MALRD1: variants seen among roughly 807,000 people sequenced by gnomAD.
MALRD1 encodes MAM and LDL receptor class A domain containing 1.
Under a neutral mutation model 242.1 loss-of-function variants are expected in MALRD1, and 247 were observed. The observed-to-expected ratio is 1.02, with a 90% CI of 0.92 to 1.13. MALRD1 has a LOEUF of 1.13. Ranked by LOEUF, MALRD1 falls within the 50% of genes most tolerant of loss-of-function variation. The pLI is 0.00. For missense variants in MALRD1, 2,989 were observed against 2,533.1 expected (o/e 1.18, Z -3.86); for synonymous variants, 995 against 866.6 (o/e 1.15, Z -2.60).
intron 1 of MALRD1, among the ~76,000 whole-genome samples, chr10:19,053,895 T>A (rs191915521): frequency 3.5e-4 from 54 of 152,214 alleles, no homozygotes; most frequent in Non-Finnish European, 4.6e-4. Flanking sequence ...TACTCAGTAT[T>A]GTTTTAAGAA....
At chr10:19,056,349 G>T (rs2131212577) in intron 1 of MALRD1, among the ~76,000 whole-genome samples, 1 of 150,556 alleles carries the variant, frequency 6.6e-6, no homozygotes, top group East Asian at 2.0e-4. Flanking sequence ...ATGTAATTGT[G>T]TTTCCTTAAG....
chr10:19,371,869 G>A (rs73593889), intron 26 of MALRD1, among the ~76,000 whole-genome samples: 8,398 of 152,182 alleles, frequency 0.055, 474 homozygotes, highest in African/African-American at 0.14. Flanking sequence ...TACTACCTGG[G>A]TCATAGTTGG....
At chr10:19,421,614 A>G (rs1833722169) in intron 28 of MALRD1, among the ~76,000 whole-genome samples, 1 of 152,210 alleles carries the variant, frequency 6.6e-6, no homozygotes, top group Non-Finnish European at 1.5e-5. Context: ...ATTTTGCTAA[A>G]TGCATCAATA....
chr10:19,567,096 T>C (rs1040037887), intron 32 of MALRD1, among the ~76,000 whole-genome samples: 1 of 152,232 alleles, frequency 6.6e-6, no homozygotes, highest in Non-Finnish European at 1.5e-5. Context: ...AAATGACTTC[T>C]ATAATCTCAT....
At chr10:19,404,766 G>A (rs16918639) in intron 28 of MALRD1, among the ~76,000 whole-genome samples, 20,264 of 152,062 alleles carry the variant, frequency 0.13, 1,460 homozygotes, top group East Asian at 0.24. Flanking sequence ...TTAAAAAATA[G>A]CACTCCAGAA....
intron 36 of MALRD1, among the ~76,000 whole-genome samples, chr10:19,625,455 C>T (rs1839610968): frequency 6.6e-6 from 1 of 151,958 alleles, no homozygotes; most frequent in Non-Finnish European, 1.5e-5. Context: ...TGTAGAATAT[C>T]CTCTCTAGAA....
At position 19,146,236 on chromosome 10, in the gene MALRD1, G is replaced by C; in HGVS notation, c.1450G>C (p.Gly484Arg). ...CTGTGACTTTGAGTCGGGTTTCTGC[G>C]GTTGGGAGCCATTTCTCACAGAAGA... ...LTCDFESGFCGWEPFLTEDSH... is the reference protein window; with the variant it reads ...LTCDFESGFCRWEPFLTEDSH... Residue 484 changes from glycine to arginine, a missense_variant, in exon 11 of 40, where the codon GGT becomes CGT. Transcript: ENST00000454679. 4.1e-6 allele frequency: 5 copies of C among 1,231,614 alleles called. No homozygotes were observed. Among genetic ancestry groups the C allele is most frequent in the Non-Finnish European group, 3.0e-6 (3 of 987,940 alleles). 76.3% of individuals were successfully genotyped at this position (1,231,614 alleles called of 1,614,324 possible).
chr10:19,109,126 C>T (rs1385692464), intron 5 of MALRD1, among the ~76,000 whole-genome samples: 3 of 152,170 alleles, frequency 2.0e-5, no homozygotes, highest in African/African-American at 7.2e-5. Flanking sequence ...CTGTAGTCAA[C>T]ATCAGTAATA....
intron 24 of MALRD1, among the ~76,000 whole-genome samples, chr10:19,344,987 C>A (rs1465417539): frequency 1.3e-5 from 2 of 152,080 alleles, no homozygotes; most frequent in African/African-American, 4.8e-5. Flanking sequence ...ATTAATTGCA[C>A]CACAAATGCC....
At chr10:19,426,403 C>T (rs1450947774) in intron 28 of MALRD1, among the ~76,000 whole-genome samples, 1 of 152,180 alleles carries the variant, frequency 6.6e-6, no homozygotes, top group Non-Finnish European at 1.5e-5. Flanking sequence ...AAAATACCTG[C>T]AGAAAGCATG....
In MALRD1 at chr10:19,498,509, G is replaced by A; in HGVS notation, c.5183G>A (p.Ser1728Asn). ...GCACATTATACAAGCACAACAGGAA[G>A]CTGCAATTTTGAAACAAGTTCAGGA... ...HCAHYTSTTGSCNFETSSGNW... is the reference protein window; with the variant it reads ...HCAHYTSTTGNCNFETSSGNW... Residue 1728 changes from serine (S) to asparagine (N), a missense_variant, in exon 31 of 40, where the codon AGC becomes AAC. Transcript: ENST00000454679. 6.5e-7 allele frequency: 1 copy of A among 1,550,236 alleles called. No homozygotes were observed. The highest frequency in any genetic ancestry group is 8.7e-7 in the Non-Finnish European group (1 of 1,146,768).
chr10:19,314,239 A>C (rs1329560910), intron 21 of MALRD1, among the ~76,000 whole-genome samples: 2 of 151,618 alleles, frequency 1.3e-5, no homozygotes, highest in Non-Finnish European at 3.0e-5. Flanking sequence ...GATATCTATA[A>C]TGTTGAATGC....
At chr10:19,193,246 A>C (rs1836072226) in intron 14 of MALRD1, among the ~76,000 whole-genome samples, 4 of 152,200 alleles carry the variant, frequency 2.6e-5, no homozygotes, top group Admixed American at 2.6e-4. Flanking sequence ...TCAGGCATAC[A>C]TAGTCATGAA....
chr10:19,589,014 C>T (rs1298405124), intron 33 of MALRD1, among the ~76,000 whole-genome samples: 1 of 152,168 alleles, frequency 6.6e-6, no homozygotes, highest in Non-Finnish European at 1.5e-5. Flanking sequence ...TGTCACATTA[C>T]TTGCACAATA....
At chr10:19,119,419 G>A (rs1009827174) in intron 5 of MALRD1, among the ~76,000 whole-genome samples, 9 of 152,116 alleles carry the variant, frequency 5.9e-5, no homozygotes, top group South Asian at 2.1e-4. Context: ...AATCAGTCTC[G>A]CTGAGCATTC....
intron 25 of MALRD1, among the ~76,000 whole-genome samples, chr10:19,348,689 CCTTT>C (rs1338045915): frequency 6.6e-6 from 1 of 152,098 alleles, no homozygotes; most frequent in Non-Finnish European, 1.5e-5. Flanking sequence ...TTTCCACCTT[CCTTT>C]GTTTATTGTT....
At chr10:19,697,296 C>G (rs1345044355) in intron 38 of MALRD1, among the ~76,000 whole-genome samples, 1 of 152,094 alleles carries the variant, frequency 6.6e-6, no homozygotes, top group Admixed American at 6.5e-5. Context: ...ACAGGGCAAA[C>G]CACCAGGCAG....
chr10:19,259,517 C>G lies in MALRD1; in HGVS notation c.3079+1746C>G, dbSNP rs77008151. ...AGAGAGTGTGTACAGGGTAACTCCC[C>G]TTTATAAAACTATCAAATCTTGTAA... On this transcript the variant is annotated intron_variant, in intron 19 of 39. Transcript: ENST00000454679. 3.6e-3 allele frequency among the ~76,000 whole-genome samples: 551 copies of G among 152,260 alleles called. 4 individuals are homozygous for G. The highest frequency in any genetic ancestry group is 0.013 in the African/African-American group (522 of 41,548).
intron 24 of MALRD1, among the ~76,000 whole-genome samples, chr10:19,332,116 G>A (rs1843401745): frequency 6.6e-6 from 1 of 151,770 alleles, no homozygotes; most frequent in Admixed American, 6.6e-5. Context: ...TGCCTGCCTT[G>A]GCTGCCCAGA....
Sources: allele counts gnomAD v4.1 joint callset (sites outside exome capture counted in the v4.1 genomes callset), GRCh38; gene constraint gnomAD v4.1.1; transcripts MANE v1.5; gene names NCBI Gene and HGNC (gene_info 2026-07-23, HGNC 2026-07-21).